The following RASSF3 variants were observed in gnomAD, a reference collection of about 807,000 sequenced individuals.
RASSF3 encodes Ras association domain family member 3.
RASSF3 carries 19 observed loss-of-function variants against 19.9 expected under a neutral mutation model. The observed-to-expected ratio is 0.96, with a 90% CI of 0.67 to 1.40. The LOEUF is 1.40. Ranked by LOEUF, RASSF3 falls within the 40% of genes most tolerant of loss-of-function variation. RASSF3 has a pLI of 0.00. For missense variants in RASSF3, 306 were observed against 289.8 expected, an observed-to-expected ratio of 1.06 and a Z score of -0.41; for synonymous variants, 110 against 104.2, an observed-to-expected ratio of 1.06 and a Z score of -0.34.
At chr12:64,519,690 G>C (rs1262541727) in intron 1 of RASSF3, among the ~76,000 whole-genome samples, 1 of 151,892 alleles carries the variant, frequency 6.6e-6, no homozygotes, top group East Asian at 1.9e-4. Context: ...GGGAAAAATG[G>C]GGAAACTTCC....
At chr12:64,617,857 C>T (rs145921175) in intron 1 of RASSF3, among the ~76,000 whole-genome samples, 97 of 152,256 alleles carry the variant, frequency 6.4e-4, no homozygotes, top group African/African-American at 2.2e-3. Flanking sequence ...GTGCCCGGCC[C>T]TATACATCTG....
At chr12:64,513,249 A>G (rs535960831) in intron 1 of RASSF3, among the ~76,000 whole-genome samples, 1 of 152,218 alleles carries the variant, frequency 6.6e-6, no homozygotes, top group East Asian at 1.9e-4. Flanking sequence ...GTTCGAGACC[A>G]GCCTGGCTAA....
chr12:64,591,898 C>T (rs116632131), intron 2 of RASSF3, among the ~76,000 whole-genome samples: 2,204 of 150,700 alleles, frequency 0.015, 62 homozygotes, highest in African/African-American at 0.052. Flanking sequence ...ATTATTCCTT[C>T]GGTTGCTGTT....
chr12:64,577,722 ACT>A (rs1371819779), intron 2 of RASSF3, among the ~76,000 whole-genome samples: 1 of 151,932 alleles, frequency 6.6e-6, no homozygotes, highest in Non-Finnish European at 1.5e-5. Context: ...ACAGAGCAAG[ACT>A]CTGTCTCAAA....
At chr12:64,684,732 A>G (rs566213621) in intron 1 of RASSF3, 55 bp from the exon 2 acceptor site, 68 of 1,247,052 alleles carry the variant, frequency 5.5e-5, no homozygotes, top group African/African-American at 3.0e-4. Context: ...CGCCCGGCCT[A>G]TCCGCACTTT....
chr12:64,540,709 C>T (rs1410248056), intron 1 of RASSF3, among the ~76,000 whole-genome samples: 1 of 152,210 alleles, frequency 6.6e-6, no homozygotes, highest in Non-Finnish European at 1.5e-5. Context: ...AATCTCAACA[C>T]TTTGGGAGGC....
chr12:64,660,014 A>ATG (rs35834353), intron 1 of RASSF3, among the ~76,000 whole-genome samples: 46,836 of 148,152 alleles, frequency 0.32, 7,616 homozygotes, highest in South Asian at 0.38. Context: ...GTGTATATAT[A>ATG]TGTGTGTGTG....
upstream of RASSF3, among the ~76,000 whole-genome samples, chr12:64,606,914 A>C (rs1365994114): frequency 6.6e-6 from 1 of 152,236 alleles, no homozygotes; most frequent in African/African-American, 2.4e-5. Context: ...CTAGTTGCTT[A>C]ACATGACATT....
At chr12:64,526,338 G>T (rs1868585669) in intron 1 of RASSF3, among the ~76,000 whole-genome samples, 1 of 151,744 alleles carries the variant, frequency 6.6e-6, no homozygotes, top group Non-Finnish European at 1.5e-5. Context: ...AATCTACTTG[G>T]CAATTTTCAA....
intron 1 of RASSF3, among the ~76,000 whole-genome samples, chr12:64,652,417 C>T (rs557706083): frequency 6.6e-6 from 1 of 150,518 alleles, no homozygotes; most frequent in African/African-American, 2.4e-5. Flanking sequence ...CCTCCCCCTC[C>T]CCCCCTCCTC....
At chr12:64,544,263 AC>A (rs1320130312), downstream of RASSF3, among the ~76,000 whole-genome samples, 8 of 152,040 alleles carry the variant, frequency 5.3e-5, no homozygotes, top group African/African-American at 1.9e-4. Context: ...ACAACTCCAG[AC>A]GCACTGCCTT....
downstream of RASSF3, among the ~76,000 whole-genome samples, chr12:64,543,882 C>A (rs1379551070): frequency 6.6e-6 from 1 of 151,990 alleles, no homozygotes; most frequent in Non-Finnish European, 1.5e-5. Context: ...CCTAGCTAAT[C>A]TAGTGGGGAC....
At chr12:64,605,914 G>T (rs1025401446), upstream of RASSF3, among the ~76,000 whole-genome samples, 1 of 147,608 alleles carries the variant, frequency 6.8e-6, no homozygotes, top group African/African-American at 2.5e-5. Context: ...AAAAAGCAGC[G>T]AGATAATATC....
intron 1 of RASSF3, among the ~76,000 whole-genome samples, chr12:64,514,873 G>A (rs1462701515): frequency 1.3e-5 from 2 of 152,136 alleles, no homozygotes; most frequent in Non-Finnish European, 2.9e-5. Flanking sequence ...TGAACAGTAG[G>A]AAAGAGTTGA....
At chr12:64,541,949 A>T (rs1868940758), downstream of RASSF3, among the ~76,000 whole-genome samples, 1 of 152,176 alleles carries the variant, frequency 6.6e-6, no homozygotes, top group Non-Finnish European at 1.5e-5. Flanking sequence ...ATTTGTCATA[A>T]GATATGAGGC....
At chr12:64,564,074 C>A (rs1176478540) in intron 2 of RASSF3, among the ~76,000 whole-genome samples, 1 of 152,172 alleles carries the variant, frequency 6.6e-6, no homozygotes, top group Non-Finnish European at 1.5e-5. Flanking sequence ...CCCCTTATAG[C>A]TAATGTCATT....
rs60003798 is a variant in RASSF3 at position 64,648,802 on chromosome 12, A to ATTTTTTTTTTTT, written c.112-35976_112-35965dup. Among the ~76,000 whole-genome samples the ATTTTTTTTTTTT allele has an allele frequency of 2.2e-4, 23 of 104,992 alleles. 3 individuals are homozygous for ATTTTTTTTTTTT. The highest frequency in any genetic ancestry group is 7.8e-4 in the African/African-American group (20 of 25,670). 68.9% of individuals were successfully genotyped at this position (104,992 alleles called of 152,430 possible). On this transcript the variant is annotated intron_variant, in intron 1 of 4. Coordinates refer to ENST00000542104, the MANE Select transcript of RASSF3 (RefSeq NM_178169.4). ...GGCCAAGCTTCTTGTTTTTACATTG[A>ATTTTTTTTTTTT]TTTTTTTTTTTTTTTTTTTTAGAGA...
chr12:64,658,745 G>A (rs2136196315), intron 1 of RASSF3, among the ~76,000 whole-genome samples: 1 of 152,150 alleles, frequency 6.6e-6, no homozygotes, highest in South Asian at 2.1e-4. Context: ...AGGTTGCAGT[G>A]AACTGAAAGT....
chr12:64,597,017 T>C (rs1194065284), intron 2 of RASSF3, among the ~76,000 whole-genome samples: 1 of 152,138 alleles, frequency 6.6e-6, no homozygotes, highest in Non-Finnish European at 1.5e-5. Flanking sequence ...TCCACCCACT[T>C]CGGCCTCCTA....
Sources: gnomAD v4.1 joint callset for allele counts (sites outside exome capture counted in the v4.1 genomes callset) on GRCh38, gnomAD v4.1.1 for gene constraint, MANE v1.5 for transcripts, NCBI Gene and HGNC (gene_info 2026-07-23, HGNC 2026-07-21) for gene names.